GABRB1: variants seen among roughly 807,000 people sequenced by gnomAD.
GABRB1 encodes gamma-aminobutyric acid receptor subunit beta-1.
Under a neutral mutation model 51.6 loss-of-function variants are expected in GABRB1, and 17 were observed. The ratio of observed to expected loss-of-function variants is 0.33; its 90% CI spans 0.23 to 0.49. GABRB1 has a LOEUF of 0.49. Among genes scored for constraint, GABRB1 ranks in the 20% least tolerant of loss-of-function variants. The probability of loss-of-function intolerance (pLI) is 0.99; values close to 1 mark genes in which losing one functional copy is unlikely to be tolerated. For synonymous variants in GABRB1, 247 were observed against 218.9 expected (o/e 1.13, Z -1.14); for missense variants, 410 against 600.6 (o/e 0.68, Z 3.32).
chr4:47,069,133 G>A (rs1301753920), intron 3 of GABRB1, among the ~76,000 whole-genome samples: 1 of 152,076 alleles, frequency 6.6e-6, no homozygotes, highest in Non-Finnish European at 1.5e-5. Flanking sequence ...AGGATGCTTG[G>A]CATGAGATAG....
At chr4:47,378,993 C>T (rs1233247001) in intron 5 of GABRB1, among the ~76,000 whole-genome samples, 1 of 152,076 alleles carries the variant, frequency 6.6e-6, no homozygotes, top group Non-Finnish European at 1.5e-5. Context: ...TTCAAAATGA[C>T]TTATGTGTTG....
At chr4:47,197,714 T>A (rs998411503) in intron 4 of GABRB1, among the ~76,000 whole-genome samples, 55 of 152,314 alleles carry the variant, frequency 3.6e-4, no homozygotes, top group Admixed American at 3.5e-3. Context: ...AGCGCTAGCT[T>A]AGTGCCATAC....
chr4:47,398,042 T>C (rs1728239160), intron 5 of GABRB1, among the ~76,000 whole-genome samples: 2 of 152,208 alleles, frequency 1.3e-5, no homozygotes, highest in Non-Finnish European at 2.9e-5. Flanking sequence ...GCCTTTTATT[T>C]GTTCAAGGCT....
At chr4:47,064,478 T>C (rs953814405) in intron 3 of GABRB1, among the ~76,000 whole-genome samples, 1 of 150,658 alleles carries the variant, frequency 6.6e-6, no homozygotes, top group African/African-American at 2.4e-5. Flanking sequence ...CTACTACAAA[T>C]ACAAAAAAAA....
At chr4:47,403,857 G>T (rs1728481135) in intron 7 of GABRB1, 146 bp downstream of exon 7, 1 of 733,034 alleles carries the variant, frequency 1.4e-6, no homozygotes, top group Non-Finnish European at 2.2e-6. Context: ...ACATCTAAAT[G>T]TAAGAATGTC....
chr4:47,079,002 G>A (rs927341307), intron 3 of GABRB1, among the ~76,000 whole-genome samples: 8 of 152,302 alleles, frequency 5.3e-5, no homozygotes, highest in African/African-American at 1.9e-4. Flanking sequence ...TGTGCTGCTG[G>A]ATTCGGTTTG....
intron 3 of GABRB1, among the ~76,000 whole-genome samples, chr4:47,095,773 T>C (rs1182555675): frequency 6.6e-6 from 1 of 152,244 alleles, no homozygotes; most frequent in Non-Finnish European, 1.5e-5. Flanking sequence ...TAACTCAATG[T>C]AGATTTTTAT....
rs1724453690 is a variant in GABRB1, at chr4:47,007,866, G to GTATATATATATGTATATATATA, written c.-20+13951_-20+13952insGTATATATATATATATATATAT. ...TTAAAGGACGTATACCTTGGAACTG[G>GTATATATATATGTATATATATA]TATATATATATATATATATATATAT... is the stretch of plus-strand genomic sequence containing the variant. On this transcript the variant is annotated intron_variant, in intron 1 of 3. Coordinates refer to the GABRB1 transcript ENST00000513567. Among the ~76,000 whole-genome samples, 3 of 49,980 alleles carry GTATATATATATGTATATATATA rather than the reference G, an allele frequency of 6.0e-5. No individual in the cohort carries two copies. The South Asian group carries it at 3.1e-3, about 52-fold the overall frequency. The allele number at this position is 49,980 out of a possible 152,430, so 32.8% of individuals were successfully genotyped here.
intron 3 of GABRB1, among the ~76,000 whole-genome samples, chr4:47,048,931 A>G (rs973159005): frequency 1.3e-5 from 2 of 152,086 alleles, no homozygotes; most frequent in Non-Finnish European, 2.9e-5. Flanking sequence ...TACCCAAACA[A>G]TTGAGTTCTG....
intron 5 of GABRB1, among the ~76,000 whole-genome samples, chr4:47,364,241 C>T (rs1332013303): frequency 2.6e-5 from 4 of 152,020 alleles, no homozygotes; most frequent in African/African-American, 9.7e-5. Context: ...AACTGAGAGG[C>T]CATTAGGGGA....
At chr4:47,098,923 G>A (rs535697621) in intron 3 of GABRB1, among the ~76,000 whole-genome samples, 2 of 152,134 alleles carry the variant, frequency 1.3e-5, no homozygotes, top group Admixed American at 1.3e-4. Context: ...CACTTTAGAA[G>A]ATCTTATTCC....
chr4:47,247,435 G>T (rs1721808869), intron 4 of GABRB1, among the ~76,000 whole-genome samples: 1 of 152,110 alleles, frequency 6.6e-6, no homozygotes, highest in African/African-American at 2.4e-5. Flanking sequence ...TTACAGTATA[G>T]TTTGAAATCA....
Position 47,031,755 on chromosome 4 carries a change from G to GCTCT in GABRB1, c.80+41_80+44dup, listed in dbSNP as rs33980898. 1.8e-4 allele frequency: 88 copies of GCTCT among 483,806 alleles called. No homozygotes were observed. In the African/African-American group the frequency reaches 2.4e-3, roughly 13 times the overall value. The allele number at this position is 483,806 out of a possible 1,614,324, so 30.0% of individuals were successfully genotyped here. A position where few individuals can be genotyped will look rare whatever the true frequency, so the allele number is the denominator to read the frequency against. On this transcript the variant is annotated intron_variant, in intron 1 of 8. Transcript: ENST00000295454. ...AGGTGAGCTGCTGTTGTTGAATCTCGCTCTCTCTCTCTCTCTCTCTTTTTT... is the reference window on the plus strand; with the variant it reads ...AGGTGAGCTGCTGTTGTTGAATCTCGCTCTCTCTCTCTCTCTCTCTCTCTTTTTT...
chr4:47,269,123 A>G (rs1483700875), intron 4 of GABRB1, among the ~76,000 whole-genome samples: 2 of 152,166 alleles, frequency 1.3e-5, no homozygotes, highest in Non-Finnish European at 2.9e-5. Context: ...AATGATGTTC[A>G]GGTTGATTTC....
chr4:47,294,045 T>C, intron 4 of GABRB1, among the ~76,000 whole-genome samples: 1 of 152,090 alleles, frequency 6.6e-6, no homozygotes, highest in East Asian at 1.9e-4. Context: ...AGGAAGCAAA[T>C]GTACATAAAT....
At chr4:47,017,222 C>T (rs1186333394) in intron 1 of GABRB1, among the ~76,000 whole-genome samples, 2 of 152,082 alleles carry the variant, frequency 1.3e-5, no homozygotes, top group African/African-American at 4.8e-5. Flanking sequence ...TTTTAATTCC[C>T]TGCTTGTGTT....
intron 3 of GABRB1, among the ~76,000 whole-genome samples, chr4:47,064,641 CAAAAAAAAAA>C (rs33963952): frequency 1.7e-5 from 1 of 58,230 alleles, no homozygotes; most frequent in Non-Finnish European, 3.1e-5. Context: ...GACTCCATCT[CAAAAAAAAAA>C]AAAAAAAAAA....
intron 4 of GABRB1, among the ~76,000 whole-genome samples, chr4:47,197,392 A>G (rs1027544549): frequency 6.6e-6 from 1 of 152,188 alleles, no homozygotes; most frequent in African/African-American, 2.4e-5. Flanking sequence ...ATTAATGGCA[A>G]TGTGGTACAA....
intron 4 of GABRB1, among the ~76,000 whole-genome samples, chr4:47,181,820 G>C (rs191714074): frequency 6.6e-6 from 1 of 151,956 alleles, no homozygotes; most frequent in African/African-American, 2.4e-5. Context: ...CATCTTCCCC[G>C]GGAGAATTTT....
Sources: allele counts gnomAD v4.1 joint callset (sites outside exome capture counted in the v4.1 genomes callset), GRCh38; gene constraint gnomAD v4.1.1; transcripts MANE v1.5; gene names NCBI Gene and HGNC (gene_info 2026-07-23, HGNC 2026-07-21).